Variants in IL22RA2 observed in about 807,000 individuals in gnomAD.
IL22RA2 encodes interleukin 22 receptor subunit alpha 2, also known as interleukin-22 receptor subunit alpha-2.
In IL22RA2, 39 loss-of-function variants were observed where a neutral mutation model predicts 30.7. The observed-to-expected ratio is 1.27, with a 90% CI of 0.98 to 1.66. The LOEUF (loss-of-function observed/expected upper bound fraction) is 1.66, where lower values mean the gene tolerates loss of function less well. Among genes scored for constraint, IL22RA2 ranks in the 40% most tolerant of loss-of-function variants. IL22RA2 has a pLI of 0.00. For synonymous variants in IL22RA2, 103 were observed against 105.0 expected, an observed-to-expected ratio of 0.98 and a Z score of 0.11; for missense variants, 315 against 312.7, an observed-to-expected ratio of 1.01 and a Z score of -0.05.
intron 5 of IL22RA2, among the ~76,000 whole-genome samples, chr6:137,150,662 G>A (rs962839008): frequency 2.0e-5 from 3 of 151,986 alleles, no homozygotes; most frequent in African/African-American, 7.2e-5. Flanking sequence ...TGTTTGATAA[G>A]TAAATTTGAA....
intron 2 of IL22RA2, among the ~76,000 whole-genome samples, chr6:137,158,827 C>G (rs1348561023): frequency 6.6e-6 from 1 of 152,186 alleles, no homozygotes; most frequent in Non-Finnish European, 1.5e-5. Flanking sequence ...AAGACCCACA[C>G]TAAGACCACC....
chr6:137,161,886 A>G (rs1214562967), intron 1 of IL22RA2, 72 bp from the exon 2 acceptor site: 2 of 559,532 alleles, frequency 3.6e-6, no homozygotes, highest in African/African-American at 3.7e-5. Flanking sequence ...CTACAATTTT[A>G]TTTTGATACT....
Position 137,144,528 on chromosome 6 carries a change from C to T in IL22RA2, c.*1096G>A, listed in dbSNP as rs1051456670. 2 of 152,250 alleles carry T rather than the reference C, an allele frequency of 1.3e-5. No homozygotes were observed. Among genetic ancestry groups the T allele is most frequent in the Non-Finnish European group, 1.5e-5 (1 of 68,092 alleles). 9.4% of individuals were successfully genotyped at this position (152,250 alleles called of 1,614,324 possible). A position where few individuals can be genotyped will look rare whatever the true frequency, so the allele number is the denominator to read the frequency against. The stretch of plus-strand genomic sequence containing the variant: ...CAGCTTTCTGTTGACCACACTGAGC[C>T]TTAGGTCACCAGATTTCTACTCAGG... On this transcript the variant is annotated 3_prime_UTR_variant, in exon 7 of 7. Transcript: ENST00000296980.
intron 3 of IL22RA2, among the ~76,000 whole-genome samples, chr6:137,157,282 A>G (rs1778424878): frequency 6.6e-6 from 1 of 152,200 alleles, no homozygotes; most frequent in Non-Finnish European, 1.5e-5. Context: ...TGACCTATTT[A>G]TACTACTCCA....
chr6:137,153,266 A>G (rs1778329249), intron 5 of IL22RA2, among the ~76,000 whole-genome samples: 1 of 152,162 alleles, frequency 6.6e-6, no homozygotes, highest in South Asian at 2.1e-4. Flanking sequence ...TAGGACAAAT[A>G]TATATCATAT....
chr6:137,148,234 T>G (rs545021509), intron 5 of IL22RA2, among the ~76,000 whole-genome samples: 18 of 152,218 alleles, frequency 1.2e-4, no homozygotes, highest in Middle Eastern at 3.4e-3. Flanking sequence ...TGTTTGTTTG[T>G]TTGGTTGGTT....
At chr6:137,170,534 A>C (rs995344572) in intron 1 of IL22RA2, among the ~76,000 whole-genome samples, 1 of 152,168 alleles carries the variant, frequency 6.6e-6, no homozygotes, top group African/African-American at 2.4e-5. Context: ...AAAATGTAAC[A>C]AACGTTGTAA....
intron 1 of IL22RA2, among the ~76,000 whole-genome samples, chr6:137,164,007 G>T (rs1402889191): frequency 6.6e-6 from 1 of 152,150 alleles, no homozygotes; most frequent in Admixed American, 6.5e-5. Flanking sequence ...GCATGCTCCT[G>T]GCTAAGCAGT....
intron 5 of IL22RA2, among the ~76,000 whole-genome samples, chr6:137,151,906 A>T (rs1778299580): frequency 6.6e-6 from 1 of 152,248 alleles, no homozygotes; most frequent in Admixed American, 6.5e-5. Flanking sequence ...AAAATGTGGA[A>T]AAATCAAAAC....
intron 1 of IL22RA2, among the ~76,000 whole-genome samples, chr6:137,165,756 G>A (rs1441909343): frequency 6.6e-6 from 1 of 152,094 alleles, no homozygotes; most frequent in African/African-American, 2.4e-5. Flanking sequence ...TATACCAGAA[G>A]GGCACATGAC....
At chr6:137,170,296 A>G (rs1461023515) in intron 1 of IL22RA2, among the ~76,000 whole-genome samples, 3 of 152,244 alleles carry the variant, frequency 2.0e-5, no homozygotes, top group Non-Finnish European at 4.4e-5. Context: ...TAAGAGTAGT[A>G]GTAATACAAA....
intron 6 of IL22RA2, among the ~76,000 whole-genome samples, chr6:137,147,078 G>T (rs990544354): frequency 6.6e-6 from 1 of 151,376 alleles, no homozygotes; most frequent in Admixed American, 6.6e-5. Context: ...AGGCCGGGGA[G>T]GTGGCTTATG....
intron 4 of IL22RA2, among the ~76,000 whole-genome samples, chr6:137,156,531 T>A (rs192970538): frequency 6.6e-6 from 1 of 152,366 alleles, no homozygotes; most frequent in Non-Finnish European, 1.5e-5. Flanking sequence ...TCTCATTGTT[T>A]ATCCTATTCT....
At position 137,156,864 on chromosome 6, in the gene IL22RA2, G is replaced by A; in HGVS notation, c.198-10C>T. ...GCTGCATGAGAACATGCTAGAGAAG[G>A]TCAATGGGGAAAACAGATCGTGTGA... On this transcript the variant is annotated splice_polypyrimidine_tract_variant and intron_variant, in intron 3 of 6. Transcript: ENST00000296980. 1.2e-6 allele frequency: 2 copies of A among 1,606,488 alleles called. No individual in the cohort carries two copies. The highest frequency in any genetic ancestry group is 2.2e-5 in the East Asian group (1 of 44,728).
rs547955437 is a variant in IL22RA2 at position 137,167,205 on chromosome 6, C to T, written c.-65-5391G>A. ...AAAATCAAATGAAAACTGCATACAG[C>T]TTATCACCCATAGAGTTCTGGAAAG... is the stretch of plus-strand genomic sequence containing the variant. On this transcript the variant is annotated intron_variant, in intron 1 of 6. Transcript: ENST00000296980. Among the ~76,000 whole-genome samples, 10 of 152,334 alleles carry T rather than the reference C, an allele frequency of 6.6e-5. No homozygotes were observed. In the East Asian group the frequency reaches 9.6e-4, roughly 15 times the overall value.
At chr6:137,152,262 T>C (rs1022399314) in intron 5 of IL22RA2, among the ~76,000 whole-genome samples, 2 of 151,988 alleles carry the variant, frequency 1.3e-5, no homozygotes, top group Non-Finnish European at 2.9e-5. Context: ...ACTCAAAAAT[T>C]TTTACATGAC....
chr6:137,160,564 A>G (rs917317584), intron 2 of IL22RA2, among the ~76,000 whole-genome samples: 1 of 152,212 alleles, frequency 6.6e-6, no homozygotes, highest in Non-Finnish European at 1.5e-5. Context: ...AGCTGAGGCT[A>G]TACTTTATCT....
chr6:137,147,186 C>CAAAAAA (rs11313927), intron 6 of IL22RA2, among the ~76,000 whole-genome samples: 1 of 70,872 alleles, frequency 1.4e-5, no homozygotes, highest in Non-Finnish European at 3.3e-5. Context: ...CTTGCCTCTA[C>CAAAAAA]AAAAAAAAAA....
intron 5 of IL22RA2, among the ~76,000 whole-genome samples, chr6:137,153,414 A>G (rs539907588): frequency 1.3e-5 from 2 of 152,284 alleles, no homozygotes; most frequent in Non-Finnish European, 1.5e-5. Flanking sequence ...GCCTAGGGCC[A>G]ATATATGGTG....
Sources: gnomAD v4.1 joint callset for allele counts (sites outside exome capture counted in the v4.1 genomes callset) on GRCh38, gnomAD v4.1.1 for gene constraint, MANE v1.5 for transcripts, NCBI Gene and HGNC (gene_info 2026-07-23, HGNC 2026-07-21) for gene names.